CEP95: variants seen among roughly 807,000 people sequenced by gnomAD.
CEP95 encodes the protein centrosomal protein of 95 kDa.
CEP95 carries 98 observed loss-of-function variants against 111.2 expected under a neutral mutation model. The ratio of observed to expected loss-of-function variants is 0.88; its 90% CI spans 0.75 to 1.04. The LOEUF (loss-of-function observed/expected upper bound fraction) is 1.04. CEP95 is among the 50% of genes least tolerant of loss of function. The pLI is 0.00. For synonymous variants in CEP95, 323 were observed against 327.1 expected (o/e 0.99, Z 0.14); for missense variants, 1,027 against 977.2 (o/e 1.05, Z -0.68).
intron 3 of CEP95, among the ~76,000 whole-genome samples, chr17:64,510,821 G>A (rs2038852789): frequency 6.6e-6 from 1 of 152,222 alleles, no homozygotes; most frequent in African/African-American, 2.4e-5. Flanking sequence ...AAATTGCTGG[G>A]ATTACAGGCC....
intron 1 of CEP95, chr17:64,507,835 C>T (rs1555673484): frequency 3.0e-6 from 3 of 985,290 alleles, no homozygotes; most frequent in African/African-American, 1.7e-5. Flanking sequence ...AAAGTGCTTT[C>T]CTACCAATTC....
chr17:64,508,776 A>C, intron 2 of CEP95, 56 bp downstream of exon 2: 2 of 859,756 alleles, frequency 2.3e-6, no homozygotes, highest in East Asian at 3.2e-5. Context: ...AAAAGTTTTT[A>C]GTCCTTTAGT....
chr17:64,523,017 T>C (rs1967485545), intron 8 of CEP95, 122 bp downstream of exon 8: 4 of 744,408 alleles, frequency 5.4e-6, no homozygotes, highest in Non-Finnish European at 8.6e-6. Flanking sequence ...CTTTATTCTT[T>C]GTCAAGGAAG....
In CEP95 at chr17:64,510,169, C is replaced by G. The variant is rs200062701; in HGVS notation, c.149-4C>G. The G allele has an allele frequency of 1.2e-5, 19 of 1,575,274 alleles. No homozygotes were observed. Among genetic ancestry groups the G allele is most frequent in the Admixed American group, 5.1e-5 (3 of 58,574 alleles). On this transcript the variant is annotated splice_polypyrimidine_tract_variant and splice_region_variant and intron_variant, in intron 2 of 19. Transcript: ENST00000556440. ...CAAAATTATGTGATTTTTTCCCCCCCCAGACCTCATAGTTATTCCTAGGAG... is the reference window on the plus strand; with the variant it reads ...CAAAATTATGTGATTTTTTCCCCCCGCAGACCTCATAGTTATTCCTAGGAG...
intron 7 of CEP95, among the ~76,000 whole-genome samples, chr17:64,522,181 T>C (rs1555678045): frequency 1.3e-5 from 2 of 152,126 alleles, no homozygotes; most frequent in Non-Finnish European, 1.5e-5. Flanking sequence ...CTTATTATCA[T>C]CTCTGGAATT....
Position 64,522,889 on chromosome 17 carries a change from T to C in CEP95, c.903T>C (p.Phe301=). 1 of 1,606,742 alleles carries C rather than the reference T, an allele frequency of 6.2e-7. No homozygotes were observed. The highest frequency in any genetic ancestry group is 8.5e-7 in the Non-Finnish European group (1 of 1,176,528). ...ATTCTACTGGAGAGCATACGGAATTTTCTGGGGTAAGTGGAAAAGCTTACT... is the reference window on the plus strand; with the variant it reads ...ATTCTACTGGAGAGCATACGGAATTCTCTGGGGTAAGTGGAAAAGCTTACT... ...AVNSTGEHTE[F]SGDLDDGLFL... Residue 301 remains phenylalanine (F), a synonymous_variant, in exon 8 of 20, where the codon TTT becomes TTC. Transcript: ENST00000556440.
chr17:64,535,333 C>T (rs1968575958), intron 17 of CEP95: 1 of 158,472 alleles, frequency 6.3e-6, no homozygotes, highest in African/African-American at 2.4e-5. Flanking sequence ...TTTTTCTATC[C>T]AGAATTTACA....
At chr17:64,513,522 G>A (rs1403191668) in intron 3 of CEP95, among the ~76,000 whole-genome samples, 1 of 152,152 alleles carries the variant, frequency 6.6e-6, no homozygotes, top group East Asian at 1.9e-4. Flanking sequence ...ACTGTGCTAT[G>A]ATCTATGAGT....
chr17:64,527,283 C>T lies in CEP95; in HGVS notation c.1306+19C>T, dbSNP rs1468578664. ...AGGCCAGGTACTTACCCCAGAGAGA[C>T]TGAGAAGGGGGACATCCATGTGAAC... is the stretch of plus-strand genomic sequence containing the variant. On this transcript the variant is annotated intron_variant, in intron 11 of 19. Coordinates refer to ENST00000556440, the MANE Select transcript of CEP95 (RefSeq NM_138363.3). The T allele has an allele frequency of 1.3e-6, 2 of 1,582,090 alleles. No individual in the cohort carries two copies. Among genetic ancestry groups the T allele is most frequent in the Non-Finnish European group, 1.7e-6 (2 of 1,164,678 alleles).
In CEP95 at chr17:64,522,033, A is replaced by G. The variant is rs369413118; in HGVS notation, c.715+506A>G. ...TACCACGCCCAGCTAACTTATTTTT[A>G]GTAGAGATGGGGTTTCACCATGTTG... On this transcript the variant is annotated intron_variant, in intron 7 of 19. Transcript: ENST00000556440. Among the ~76,000 whole-genome samples the G allele has an allele frequency of 3.3e-5, 5 of 151,806 alleles. No individual in the cohort carries two copies. The East Asian group carries it at 5.8e-4, about 18-fold the overall frequency.
intron 5 of CEP95, among the ~76,000 whole-genome samples, chr17:64,518,825 C>T (rs782358249): frequency 4.1e-4 from 63 of 152,126 alleles, no homozygotes; most frequent in Non-Finnish European, 6.6e-4. Flanking sequence ...GGATTACAGG[C>T]GCCTGCCACC....
At position 64,526,201 on chromosome 17, in the gene CEP95, G is replaced by C. The variant is rs1328229880; in HGVS notation, c.1152+1G>C. 6.2e-7 allele frequency: 1 copy of C among 1,606,492 alleles called. No individual in the cohort carries two copies. The highest frequency in any genetic ancestry group is 8.5e-7 in the Non-Finnish European group (1 of 1,177,540). ...TCAGCGGCTTTCTGAACTAGATTGG[G>C]CAAGTCTTGTTTTTTCATCTATATT... On this transcript the variant is annotated splice_donor_variant, in intron 10 of 19. Transcript: ENST00000556440. LOFTEE classifies it high-confidence loss of function.
In CEP95 at chr17:64,536,749, G is replaced by A; in HGVS notation, c.2217+1G>A. The A allele has an allele frequency of 5.0e-6, 8 of 1,593,958 alleles. No individual in the cohort carries two copies. Among genetic ancestry groups the A allele is most frequent in the Non-Finnish European group, 6.0e-6 (7 of 1,174,800 alleles). ...CATGGAGAACTACTATAAGGACCAGGTGGGCTCCTGGCACTTGCTTACGCT... is the reference window on the plus strand; with the variant it reads ...CATGGAGAACTACTATAAGGACCAGATGGGCTCCTGGCACTTGCTTACGCT... On this transcript the variant is annotated splice_donor_variant, in intron 18 of 19. Coordinates refer to ENST00000556440, the MANE Select transcript of CEP95 (RefSeq NM_138363.3). LOFTEE classifies it high-confidence loss of function.
Position 64,532,905 on chromosome 17 carries a change from G to A in CEP95, c.1739G>A (p.Gly580Asp). The change falls in exon 15 of 20, where the codon GGC becomes GAC. Residue 580 changes from glycine to aspartate, a missense_variant. Gly to Asp is a moderately conservative substitution (Grantham distance 94, BLOSUM62 -1). Coordinates refer to ENST00000556440, the MANE Select transcript of CEP95 (RefSeq NM_138363.3). ...CAGTTTCCGTTTCTTTATGTTTCTG[G>A]CCCAACACTAAGCAAAATGTGGAAA... ...LEQFPFLYVSGPTLSKMWKQQ... is the reference protein window; with the variant it reads ...LEQFPFLYVSDPTLSKMWKQQ... 6.2e-7 allele frequency: 1 copy of A among 1,613,816 alleles called. No homozygotes were observed. Among genetic ancestry groups the A allele is most frequent in the Non-Finnish European group, 8.5e-7 (1 of 1,179,854 alleles).
At position 64,536,663 on chromosome 17, in the gene CEP95, G is replaced by C; in HGVS notation, c.2132G>C (p.Arg711Thr). 1 of 1,612,870 alleles carries C rather than the reference G, an allele frequency of 6.2e-7. No individual in the cohort carries two copies. Residue 711 changes from arginine to threonine, a missense_variant, in exon 18 of 20, where the codon AGA becomes ACA. By Grantham distance (71) the Arg-to-Thr change is moderately conservative. Coordinates refer to ENST00000556440, the MANE Select transcript of CEP95 (RefSeq NM_138363.3). ...CAAAAGCAAAGATTACGAGACCTAA[G>C]AAACTATGCCAAAGAAAAGCGAGAT... The part of the protein sequence containing the change: ...NIQKQRLRDL[R>T]NYAKEKRDEQ...
At position 64,533,173 on chromosome 17, in the gene CEP95, T is replaced by C. The variant is rs988900198; in HGVS notation, c.1899T>C (p.Tyr633=). Residue 633 remains tyrosine (Y), a synonymous_variant, in exon 16 of 20, where the codon TAT becomes TAC. Transcript: ENST00000556440. ...DLLTTLVKKE[Y]EHNKRLQDFK... Reference sequence around the variant, plus strand: ...TTACTACCCTTGTCAAGAAAGAATATGAACATAACAAGAGACTGGTATGTC... The same window carrying C: ...TTACTACCCTTGTCAAGAAAGAATACGAACATAACAAGAGACTGGTATGTC... 5 of 1,587,838 alleles carry C rather than the reference T, an allele frequency of 3.1e-6. No homozygotes were observed. The highest frequency in any genetic ancestry group is 2.0e-5 in the Admixed American group (1 of 49,890).
chr17:64,525,492 G>A (rs1478929645), intron 8 of CEP95, among the ~76,000 whole-genome samples: 4 of 152,116 alleles, frequency 2.6e-5, no homozygotes, highest in Non-Finnish European at 5.9e-5. Context: ...CAGGTATAGT[G>A]GTAATCCCTG....
At chr17:64,532,175 G>A (rs532462098) in intron 14 of CEP95, 153 bp downstream of exon 14, 15 of 1,351,226 alleles carry the variant, frequency 1.1e-5, no homozygotes, top group Admixed American at 1.1e-4. Flanking sequence ...CTGGTTTTCC[G>A]TAGAGGGCTA....
intron 11 of CEP95, among the ~76,000 whole-genome samples, chr17:64,527,823 A>G (rs1470831355): frequency 6.6e-6 from 1 of 150,876 alleles, no homozygotes; most frequent in Non-Finnish European, 1.5e-5. Context: ...ACTGCTGGAC[A>G]TGACTGAGTT....
Sources: allele counts gnomAD v4.1 joint callset (sites outside exome capture counted in the v4.1 genomes callset), GRCh38; gene constraint gnomAD v4.1.1; transcripts MANE v1.5; gene names NCBI Gene and HGNC (gene_info 2026-07-23, HGNC 2026-07-21).